The following MEGF11 variants were observed in gnomAD, a reference collection of about 807,000 sequenced individuals.
The protein encoded by MEGF11 is multiple epidermal growth factor-like domains protein 11.
MEGF11 carries 126 observed loss-of-function variants against 146.6 expected under a neutral mutation model. The observed-to-expected ratio is 0.86, with a 90% CI of 0.74 to 1.00. The LOEUF is 1.00. Ranked by LOEUF, MEGF11 falls within the 50% of genes least tolerant of loss-of-function variation. The probability of loss-of-function intolerance (pLI) is 0.00; values close to 1 mark genes in which losing one functional copy is unlikely to be tolerated. For synonymous variants in MEGF11, 532 were observed against 583.4 expected (o/e 0.91, Z 1.27); for missense variants, 1,509 against 1,521.2 (o/e 0.99, Z 0.13).
chr15:65,996,744 C>T (rs1403148818), intron 5 of MEGF11, among the ~76,000 whole-genome samples: 2 of 152,178 alleles, frequency 1.3e-5, no homozygotes, highest in South Asian at 4.1e-4. Flanking sequence ...CCTCAGCCTC[C>T]CAGAGTGCTG....
At chr15:66,032,954 G>T (rs532193445) in intron 5 of MEGF11, among the ~76,000 whole-genome samples, 1 of 152,086 alleles carries the variant, frequency 6.6e-6, no homozygotes, top group African/African-American at 2.4e-5. Context: ...GGTGGCAGGT[G>T]CCTATAGTGC....
intron 1 of MEGF11, among the ~76,000 whole-genome samples, chr15:66,187,144 A>T (rs1183892412): frequency 6.6e-6 from 1 of 152,254 alleles, no homozygotes; most frequent in Non-Finnish European, 1.5e-5. Context: ...TCCAATTCCA[A>T]ATCTTAAAAC....
intron 20 of MEGF11, among the ~76,000 whole-genome samples, chr15:65,913,281 C>T (rs947017079): frequency 7.9e-5 from 12 of 152,134 alleles, no homozygotes; most frequent in Non-Finnish European, 1.5e-4. Context: ...ACTAATAGGA[C>T]CCTCCTAACT....
At chr15:66,238,328 C>T (rs1485353968) in intron 1 of MEGF11, among the ~76,000 whole-genome samples, 1 of 152,188 alleles carries the variant, frequency 6.6e-6, no homozygotes, top group Non-Finnish European at 1.5e-5. Flanking sequence ...TTGCTAAAGG[C>T]TTTTCTGCGA....
chr15:66,162,945 C>T (rs1360146351), intron 1 of MEGF11, among the ~76,000 whole-genome samples: 1 of 152,204 alleles, frequency 6.6e-6, no homozygotes, highest in African/African-American at 2.4e-5. Context: ...TAGTCAAAAT[C>T]ACCCTGGCAA....
At position 65,970,605 on chromosome 15, in the gene MEGF11, A is replaced by G. The variant is rs372606801; in HGVS notation, c.847T>C (p.Cys283Arg). 3.1e-6 allele frequency: 5 copies of G among 1,613,976 alleles called. No homozygotes were observed. The change falls in exon 8 of 26, where the codon TGT becomes CGT. Residue 283 changes from cysteine (C) to arginine (R), a missense_variant. By Grantham distance (180) the Cys-to-Arg change is radical (BLOSUM62 -3). Coordinates refer to ENST00000395614, the MANE Select transcript of MEGF11 (RefSeq NM_001385028.1). ...QDCPCHHGGQ[C>R]DHVTGQCHCT... ...TGGCACTGTCCAGTCACGTGGTCAC[A>G]CTGCCCTCCATGGTGGCAAGGACAA...
rs375649986 is a variant in MEGF11, at chr15:66,061,547, T to C, written c.394+32855A>G. 2.0e-5 allele frequency among the ~76,000 whole-genome samples: 3 copies of C among 151,832 alleles called. No homozygotes were observed. The East Asian group carries it at 5.8e-4, about 29-fold the overall frequency. ...GACAGAAGGCAAACTCATGACCTAC[T>C]CAATAAGATGATCACAGATTGTCAT... On this transcript the variant is annotated intron_variant, in intron 5 of 25. Coordinates refer to ENST00000395614, the MANE Select transcript of MEGF11 (RefSeq NM_001385028.1).
chr15:65,949,400 G>C (rs2080311037), intron 10 of MEGF11, among the ~76,000 whole-genome samples: 1 of 152,226 alleles, frequency 6.6e-6, no homozygotes, highest in African/African-American at 2.4e-5. Context: ...GAAAAATGCA[G>C]AAACAAATTT....
chr15:66,201,348 G>C (rs912112437), intron 1 of MEGF11, among the ~76,000 whole-genome samples: 1 of 152,030 alleles, frequency 6.6e-6, no homozygotes, highest in African/African-American at 2.4e-5. Context: ...AGGCTGTTTC[G>C]AGGCTGCAGA....
chr15:66,087,858 C>T (rs779220476), intron 5 of MEGF11, among the ~76,000 whole-genome samples: 1 of 152,020 alleles, frequency 6.6e-6, no homozygotes, highest in Admixed American at 6.5e-5. Flanking sequence ...ACAACAACAA[C>T]AATACCAACA....
chr15:66,065,722 G>T (rs1194744153), intron 5 of MEGF11, among the ~76,000 whole-genome samples: 1 of 152,224 alleles, frequency 6.6e-6, no homozygotes, highest in African/African-American at 2.4e-5. Context: ...CTGCTTAGAG[G>T]CTTGAAAATG....
At chr15:66,133,969 C>G (rs2088773945) in intron 1 of MEGF11, among the ~76,000 whole-genome samples, 1 of 152,086 alleles carries the variant, frequency 6.6e-6, no homozygotes, top group Non-Finnish European at 1.5e-5. Context: ...ATGTCCCCCT[C>G]CAAGTCCCTG....
At chr15:65,922,181 G>T in intron 15 of MEGF11, 157 bp downstream of exon 15, 1 of 792,716 alleles carries the variant, frequency 1.3e-6, no homozygotes, top group Non-Finnish European at 2.0e-6. Context: ...CTCATGCCAT[G>T]TGGGGCTCAA....
intron 1 of MEGF11, among the ~76,000 whole-genome samples, chr15:66,191,222 A>T (rs957252781): frequency 2.0e-5 from 3 of 152,162 alleles, no homozygotes; most frequent in African/African-American, 7.2e-5. Context: ...TGCAATGGGG[A>T]CCACGGTGAA....
chr15:66,134,776 C>A (rs1391705996), intron 1 of MEGF11, among the ~76,000 whole-genome samples: 2 of 152,260 alleles, frequency 1.3e-5, no homozygotes, highest in Non-Finnish European at 2.9e-5. Flanking sequence ...CTCACGGGAG[C>A]TGAGCTGTGA....
chr15:65,931,781 G>A (rs2079583754), intron 10 of MEGF11, among the ~76,000 whole-genome samples: 2 of 152,202 alleles, frequency 1.3e-5, no homozygotes, highest in South Asian at 4.1e-4. Flanking sequence ...GTAAATGATA[G>A]CTAATGCATA....
chr15:66,085,886 A>T (rs2086087798), intron 5 of MEGF11, among the ~76,000 whole-genome samples: 1 of 152,236 alleles, frequency 6.6e-6, no homozygotes. Context: ...GGGACCAGAG[A>T]AAGGTGAAGC....
intron 1 of MEGF11, among the ~76,000 whole-genome samples, chr15:66,155,018 A>G (rs2089705044): frequency 6.6e-6 from 1 of 152,270 alleles, no homozygotes; most frequent in Non-Finnish European, 1.5e-5. Context: ...AGAATCACAG[A>G]GTCAGGATGT....
chr15:65,922,959 A>ACAG lies in MEGF11; in HGVS notation c.1683_1685dup (p.Cys562dup), dbSNP rs776506849. ...AGCGGCCAGGTGGACACGTGCTGTCACAGCGGATGCCTGTGGGCCAGAGGC... is the reference window on the plus strand; with the variant it reads ...AGCGGCCAGGTGGACACGTGCTGTCACAGCAGCGGATGCCTGTGGGCCAGAGGC... On this transcript the variant is annotated inframe_insertion, in exon 14 of 26. Transcript: ENST00000395614. The ACAG allele has an allele frequency of 6.2e-7, 1 of 1,612,746 alleles. No homozygotes were observed. Among genetic ancestry groups the ACAG allele is most frequent in the South Asian group, 1.1e-5 (1 of 90,870 alleles).
Sources: gnomAD v4.1 joint callset for allele counts (sites outside exome capture counted in the v4.1 genomes callset) on GRCh38, gnomAD v4.1.1 for gene constraint, MANE v1.5 for transcripts, NCBI Gene and HGNC (gene_info 2026-07-23, HGNC 2026-07-21) for gene names.